SNTG1: variants seen among roughly 807,000 people sequenced by gnomAD.
SNTG1 encodes the protein gamma-1-syntrophin.
A neutral mutation model predicts 74.7 loss-of-function variants in SNTG1; 39 were observed. That is an observed-to-expected ratio of 0.52 (90% CI 0.40 to 0.68). The LOEUF is 0.68. Ranked by LOEUF, SNTG1 falls within the 30% of genes least tolerant of loss-of-function variation. The pLI, the probability that SNTG1 is intolerant of heterozygous loss-of-function variation, is 0.00. For missense variants in SNTG1, 685 were observed against 609.5 expected, an observed-to-expected ratio of 1.12 and a Z score of -1.30; for synonymous variants, 254 against 217.1, an observed-to-expected ratio of 1.17 and a Z score of -1.49.
intron 2 of SNTG1, among the ~76,000 whole-genome samples, chr8:50,258,566 G>C (rs928885583): frequency 2.0e-5 from 3 of 152,114 alleles, no homozygotes; most frequent in Non-Finnish European, 4.4e-5. Flanking sequence ...TAATTAACTA[G>C]AGAATATCAA....
intron 8 of SNTG1, among the ~76,000 whole-genome samples, chr8:50,463,497 C>A (rs929296484): frequency 6.6e-6 from 1 of 152,166 alleles, no homozygotes; most frequent in Non-Finnish European, 1.5e-5. Flanking sequence ...TATTTTACAT[C>A]TCCATTAGGG....
intron 1 of SNTG1, among the ~76,000 whole-genome samples, chr8:50,103,188 A>G (rs1220872166): frequency 2.0e-5 from 3 of 152,208 alleles, no homozygotes; most frequent in Non-Finnish European, 2.9e-5. Flanking sequence ...CTTCCTACCC[A>G]TGAGCATGGA....
At chr8:50,128,785 A>T (rs1213685621) in intron 1 of SNTG1, among the ~76,000 whole-genome samples, 2 of 152,120 alleles carry the variant, frequency 1.3e-5, no homozygotes, top group Admixed American at 6.6e-5. Context: ...ATAATTACAA[A>T]AATGTTTGAA....
chr8:50,445,082 C>A (rs2093394168), intron 5 of SNTG1, among the ~76,000 whole-genome samples: 1 of 152,170 alleles, frequency 6.6e-6, no homozygotes, highest in African/African-American at 2.4e-5. Context: ...CAAACCTGAG[C>A]AATGACCATT....
At chr8:49,960,350 CAA>C (rs976193848) in intron 1 of SNTG1, among the ~76,000 whole-genome samples, 12 of 152,076 alleles carry the variant, frequency 7.9e-5, no homozygotes, top group Admixed American at 6.5e-4. Context: ...ATTAATAAAT[CAA>C]GAGTCAAGAT....
chr8:50,787,330 AG>A (rs2095678589), intron 18 of SNTG1, among the ~76,000 whole-genome samples: 1 of 151,956 alleles, frequency 6.6e-6, no homozygotes, highest in Admixed American at 6.6e-5. Flanking sequence ...TTTTAAAAAA[AG>A]AAACTAGACA....
intron 12 of SNTG1, among the ~76,000 whole-genome samples, chr8:50,560,124 A>T (rs1481385347): frequency 6.6e-6 from 1 of 152,196 alleles, no homozygotes; most frequent in African/African-American, 2.4e-5. Context: ...AAAAACCCTC[A>T]ACATCACTGG....
intron 1 of SNTG1, among the ~76,000 whole-genome samples, chr8:50,165,342 G>C (rs2082575255): frequency 6.6e-6 from 1 of 152,272 alleles, no homozygotes; most frequent in South Asian, 2.1e-4. Flanking sequence ...TGAGGCTTTA[G>C]CAAACTGATG....
At chr8:50,367,867 A>C (rs1378630541) in intron 2 of SNTG1, among the ~76,000 whole-genome samples, 2 of 152,096 alleles carry the variant, frequency 1.3e-5, no homozygotes, top group African/African-American at 2.4e-5. Context: ...TGGTACCAGG[A>C]AGTGGACTGC....
intron 4 of SNTG1, among the ~76,000 whole-genome samples, chr8:50,433,462 TG>T (rs1406817506): frequency 6.8e-6 from 1 of 146,060 alleles, no homozygotes; most frequent in East Asian, 2.1e-4. Context: ...TTTACTACAT[TG>T]CACCATGAGT....
intron 13 of SNTG1, among the ~76,000 whole-genome samples, chr8:50,605,951 G>A (rs1291253873): frequency 6.6e-6 from 1 of 152,146 alleles, no homozygotes; most frequent in African/African-American, 2.4e-5. Context: ...GTTGAACCAT[G>A]TTTGCATCCC....
intron 1 of SNTG1, among the ~76,000 whole-genome samples, chr8:50,017,705 G>A (rs563081433): frequency 6.6e-6 from 1 of 151,918 alleles, no homozygotes; most frequent in South Asian, 2.1e-4. Context: ...AAAAATGGAA[G>A]ATATATGATT....
chr8:50,498,649 A>G (rs1379464854), intron 8 of SNTG1, among the ~76,000 whole-genome samples: 1 of 151,898 alleles, frequency 6.6e-6, no homozygotes, highest in African/African-American at 2.4e-5. Context: ...ATTAATAACT[A>G]CAAAAATAAA....
intron 8 of SNTG1, among the ~76,000 whole-genome samples, chr8:50,456,843 C>T (rs1265379634): frequency 6.6e-6 from 1 of 152,030 alleles, no homozygotes; most frequent in African/African-American, 2.4e-5. Context: ...ACACCTAAAC[C>T]AGGTCAAATT....
chr8:50,389,075 G>A (rs545330321), intron 2 of SNTG1, among the ~76,000 whole-genome samples: 1 of 152,158 alleles, frequency 6.6e-6, no homozygotes, highest in African/African-American at 2.4e-5. Context: ...AACTGTTCTC[G>A]TGCAATTGCA....
At chr8:50,654,378 T>C (rs2095167679) in intron 13 of SNTG1, among the ~76,000 whole-genome samples, 2 of 152,196 alleles carry the variant, frequency 1.3e-5, no homozygotes, top group Non-Finnish European at 2.9e-5. Context: ...TAAACCCAAC[T>C]TTACGTTTCA....
chr8:50,029,470 A>G (rs557205793), intron 1 of SNTG1, among the ~76,000 whole-genome samples: 12 of 151,970 alleles, frequency 7.9e-5, no homozygotes, highest in Non-Finnish European at 1.5e-4. Flanking sequence ...TTTTGCATAC[A>G]TTAACCATCC....
At chr8:50,277,264 C>CAAAAAAA (rs11361478) in intron 2 of SNTG1, among the ~76,000 whole-genome samples, 1 of 95,164 alleles carries the variant, frequency 1.1e-5, no homozygotes, top group Non-Finnish European at 2.0e-5. Flanking sequence ...AAGACCCTGC[C>CAAAAAAA]AAAAAAAAAA....
In SNTG1 at chr8:50,227,144, C is replaced by A. The variant is rs75509902; in HGVS notation, c.-28+54509C>A. Among the ~76,000 whole-genome samples, 21 of 152,184 alleles carry A rather than the reference C, an allele frequency of 1.4e-4. 1 individual carries two copies. In the East Asian group the frequency reaches 4.1e-3, roughly 30 times the overall value. Reference sequence around the variant, plus strand: ...TCATCAATATAAAACTCTGGGGAGACAGGCCAATTTGGAGATCGACAGTCA... The same window carrying A: ...TCATCAATATAAAACTCTGGGGAGAAAGGCCAATTTGGAGATCGACAGTCA... On this transcript the variant is annotated intron_variant, in intron 2 of 18. Transcript: ENST00000642720.
Sources: gnomAD v4.1 joint callset for allele counts (sites outside exome capture counted in the v4.1 genomes callset) on GRCh38, gnomAD v4.1.1 for gene constraint, MANE v1.5 for transcripts, NCBI Gene and HGNC (gene_info 2026-07-23, HGNC 2026-07-21) for gene names.